MAEL: variants seen among roughly 807,000 people sequenced by gnomAD.
The protein encoded by MAEL is maelstrom spermatogenic transposon silencer, also known as protein maelstrom homolog.
A neutral mutation model predicts 62.0 loss-of-function variants in MAEL; 46 were observed. That is an observed-to-expected ratio of 0.74 (90% CI 0.59 to 0.95). The LOEUF is 0.95. MAEL is among the 40% of genes least tolerant of loss of function. The probability of loss-of-function intolerance (pLI) is 0.00; values close to 1 mark genes in which losing one functional copy is unlikely to be tolerated. For synonymous variants in MAEL, 172 were observed against 175.5 expected, an observed-to-expected ratio of 0.98 and a Z score of 0.16; for missense variants, 497 against 526.8, an observed-to-expected ratio of 0.94 and a Z score of 0.55.
intron 4 of MAEL, among the ~76,000 whole-genome samples, chr1:166,993,421 T>C (rs1025698652): frequency 7.9e-5 from 12 of 152,204 alleles, no homozygotes; most frequent in Admixed American, 6.5e-4. Context: ...GACATAGGAT[T>C]TGATACCCTT....
rs141032216 is a variant in MAEL, at chr1:166,989,443, C to G, written c.91C>G (p.Arg31Gly). ...ACGGCGACGAGGCCTGCCTGTGGCT[C>G]GCGTTGCTGATGCCATCCCTTACTG... ...ELRRRGLPVA[R>G]VADAIPYCSS... The change falls in exon 1 of 12, where the codon CGC (arginine) becomes GGC (glycine). Residue 31 changes from arginine (R) to glycine (G), a missense_variant. Transcript: ENST00000367872. 2 of 1,591,648 alleles carry G rather than the reference C, an allele frequency of 1.3e-6. No homozygotes were observed. The highest frequency in any genetic ancestry group is 8.6e-7 in the Non-Finnish European group (1 of 1,169,408).
At chr1:166,992,943 C>G in intron 4 of MAEL, 102 bp downstream of exon 4, 1 of 944,824 alleles carries the variant, frequency 1.1e-6, no homozygotes, top group Non-Finnish European at 1.5e-6. Context: ...AGCTCATGTA[C>G]AGCTGTGTTC....
chr1:167,020,457 C>G (rs537748416), intron 10 of MAEL, among the ~76,000 whole-genome samples: 2 of 152,164 alleles, frequency 1.3e-5, no homozygotes, highest in Non-Finnish European at 2.9e-5. Context: ...TTCAAGGGGC[C>G]TTTATTGTTG....
intron 5 of MAEL, among the ~76,000 whole-genome samples, chr1:167,001,292 A>T (rs757964560): frequency 6.6e-6 from 1 of 152,146 alleles, no homozygotes; most frequent in Non-Finnish European, 1.5e-5. Context: ...GGGATAAAAG[A>T]CTACAAATTG....
chr1:167,014,613 T>C (rs1023317402), intron 8 of MAEL, among the ~76,000 whole-genome samples: 1 of 152,218 alleles, frequency 6.6e-6, no homozygotes, highest in African/African-American at 2.4e-5. Flanking sequence ...TGTTAACTAA[T>C]ATATGGAATA....
chr1:166,980,833 G>A (rs1160082527), intron 1 of MAEL, among the ~76,000 whole-genome samples: 1 of 152,108 alleles, frequency 6.6e-6, no homozygotes, highest in South Asian at 2.1e-4. Context: ...AGGAAGAAAG[G>A]GTAACTGGCT....
intron 8 of MAEL, among the ~76,000 whole-genome samples, chr1:167,015,978 A>G (rs1442058625): frequency 7.2e-5 from 11 of 152,210 alleles, no homozygotes; most frequent in Non-Finnish European, 1.6e-4. Flanking sequence ...ATGTGCCAGA[A>G]GCACTCATTT....
At chr1:167,001,462 T>C (rs1664662771) in intron 5 of MAEL, among the ~76,000 whole-genome samples, 1 of 152,210 alleles carries the variant, frequency 6.6e-6, no homozygotes, top group Non-Finnish European at 1.5e-5. Context: ...GATTGTTAAG[T>C]CACTGAAGAC....
upstream of MAEL, among the ~76,000 whole-genome samples, chr1:166,986,531 TA>T (rs1298741542): frequency 6.6e-6 from 1 of 152,116 alleles, no homozygotes; most frequent in Non-Finnish European, 1.5e-5. Flanking sequence ...AAAGTTGTGA[TA>T]AAAATGTAAG....
rs148597558 is a variant in MAEL at position 166,999,076 on chromosome 1, A to G, written c.523+5007A>G. ...CCTCACTATTCCCTAAGACACAACA[A>G]TATTGAAATTAGGTCAATTAATAAC... On this transcript the variant is annotated intron_variant, in intron 5 of 11. Coordinates refer to ENST00000367872, the MANE Select transcript of MAEL (RefSeq NM_032858.3). Among the ~76,000 whole-genome samples, 411 of 152,286 alleles carry G rather than the reference A, an allele frequency of 2.7e-3. 2 individuals are homozygous for G. Among genetic ancestry groups the G allele is most frequent in the Non-Finnish European group, 3.2e-3 (216 of 68,028 alleles).
chr1:167,000,265 T>C (rs751332132), intron 5 of MAEL, among the ~76,000 whole-genome samples: 14 of 152,188 alleles, frequency 9.2e-5, no homozygotes, highest in East Asian at 1.9e-4. Context: ...ACATAATTCA[T>C]TGGAGGAGGT....
chr1:167,019,056 C>T (rs2102132658), intron 10 of MAEL, among the ~76,000 whole-genome samples: 1 of 152,238 alleles, frequency 6.6e-6, no homozygotes, highest in South Asian at 2.1e-4. Flanking sequence ...TGGGCAAGAC[C>T]CTTCTCTACC....
chr1:166,991,136 G>A (rs984279083), intron 2 of MAEL, among the ~76,000 whole-genome samples: 12 of 152,252 alleles, frequency 7.9e-5, no homozygotes, highest in Admixed American at 7.2e-4. Flanking sequence ...AATCAGTAGT[G>A]GGCAAAATGG....
At chr1:167,014,888 TG>T (rs1056357196) in intron 8 of MAEL, among the ~76,000 whole-genome samples, 1 of 152,176 alleles carries the variant, frequency 6.6e-6, no homozygotes, top group African/African-American at 2.4e-5. Flanking sequence ...CCAGGCATGA[TG>T]GCACATGCTT....
intron 9 of MAEL, 75 bp from the exon 10 acceptor site, chr1:167,017,752 A>T: frequency 7.2e-7 from 1 of 1,395,434 alleles, no homozygotes; most frequent in Admixed American, 2.1e-5. Flanking sequence ...TCTTTTTGTT[A>T]GAGATTTTAA....
At chr1:167,014,574 T>C (rs1223478810) in intron 8 of MAEL, among the ~76,000 whole-genome samples, 2 of 152,188 alleles carry the variant, frequency 1.3e-5, no homozygotes, top group East Asian at 1.9e-4. Flanking sequence ...GCAGAAGACA[T>C]CACTTAAGTG....
At chr1:166,976,519 A>G (rs899765312) in intron 1 of MAEL, among the ~76,000 whole-genome samples, 1 of 152,154 alleles carries the variant, frequency 6.6e-6, no homozygotes, top group Non-Finnish European at 1.5e-5. Context: ...AACATAGAGG[A>G]AGGACTAAGT....
chr1:166,994,209 G>T, intron 5 of MAEL, 140 bp downstream of exon 5: 1 of 700,738 alleles, frequency 1.4e-6, no homozygotes, highest in Non-Finnish European at 2.3e-6. Flanking sequence ...AGATGTGATA[G>T]ATGGTGTCTG....
Position 167,021,911 on chromosome 1 carries a change from T to TA in MAEL, c.*57dup. 8.8e-7 allele frequency: 1 copy of TA among 1,131,610 alleles called. No individual in the cohort carries two copies. Among genetic ancestry groups the TA allele is most frequent in the South Asian group, 1.5e-5 (1 of 68,160 alleles). The allele number at this position is 1,131,610 out of a possible 1,614,324, so 70.1% of individuals were successfully genotyped here. A position where few individuals can be genotyped will look rare whatever the true frequency, so the allele number is the denominator to read the frequency against. On this transcript the variant is annotated 3_prime_UTR_variant, in exon 12 of 12. Transcript: ENST00000367872. ...GTAACAGGCCCAACTTCCTTCTTAC[T>TA]ACAGTCATATTAAACAGATCACATC...
Sources: allele counts gnomAD v4.1 joint callset (sites outside exome capture counted in the v4.1 genomes callset), GRCh38; gene constraint gnomAD v4.1.1; transcripts MANE v1.5; gene names NCBI Gene and HGNC (gene_info 2026-07-23, HGNC 2026-07-21).